Variants in NCOA7 observed in about 807,000 individuals in gnomAD.
NCOA7 encodes the protein 140 kDa estrogen receptor-associated protein.
Under a neutral mutation model 104.3 loss-of-function variants are expected in NCOA7, and 45 were observed. That is an observed-to-expected ratio of 0.43 (90% CI 0.34 to 0.55). The LOEUF is 0.55. NCOA7 is among the 20% of genes least tolerant of loss of function. The probability of loss-of-function intolerance (pLI) is 0.02; values close to 1 mark genes in which losing one functional copy is unlikely to be tolerated. For missense variants in NCOA7, 1,041 were observed against 1,119.7 expected (o/e 0.93, Z 1.00); for synonymous variants, 398 against 402.3 (o/e 0.99, Z 0.13).
At chr6:125,821,264 TA>T (rs948023272) in intron 2 of NCOA7, among the ~76,000 whole-genome samples, 1 of 152,148 alleles carries the variant, frequency 6.6e-6, no homozygotes. Context: ...ACATCTGATT[TA>T]AAAAAAGTTC....
chr6:125,911,786 G>T (rs138765301), intron 10 of NCOA7, among the ~76,000 whole-genome samples: 1 of 152,278 alleles, frequency 6.6e-6, no homozygotes, highest in Non-Finnish European at 1.5e-5. Context: ...GTGGCTCATG[G>T]CTCGTACTGG....
intron 3 of NCOA7, among the ~76,000 whole-genome samples, chr6:125,859,189 G>C (rs188360830): frequency 2.0e-5 from 3 of 151,986 alleles, no homozygotes; most frequent in African/African-American, 7.3e-5. Flanking sequence ...GGGGCACACC[G>C]AAGGGGCACA....
chr6:125,841,791 A>C (rs1780200258), intron 2 of NCOA7, among the ~76,000 whole-genome samples: 1 of 152,126 alleles, frequency 6.6e-6, no homozygotes, highest in African/African-American at 2.4e-5. Context: ...AGCATGTAGC[A>C]ATTGGAAAAA....
intron 2 of NCOA7, among the ~76,000 whole-genome samples, chr6:125,847,276 A>G (rs985942594): frequency 1.3e-5 from 2 of 152,142 alleles, no homozygotes; most frequent in Non-Finnish European, 2.9e-5. Flanking sequence ...ATTGTCTAGT[A>G]CTTTCTGTGA....
Position 125,889,244 on chromosome 6 carries a change from C to A in NCOA7, c.1190C>A (p.Thr397Asn), listed in dbSNP as rs201370198. The change falls in exon 9 of 16, where the codon ACT becomes AAT. Residue 397 changes from threonine (T) to asparagine (N), a missense_variant. Physicochemically the swap from Thr to Asn is moderately conservative, Grantham distance 65 (BLOSUM62 0). This residue lies in a region of NCOA7 where 914 missense variants were observed against 942.7 expected (regional missense o/e 0.97). Coordinates refer to ENST00000392477, the MANE Select transcript of NCOA7 (RefSeq NM_181782.5). ...AAGCTCAGCAAGGAACCTTCCGACA[C>A]TTCTTCTGCATTTGAATCTACAGCC... The part of the protein sequence containing the change: ...VTKLSKEPSD[T>N]SSAFESTAKE... 6.2e-7 allele frequency: 1 copy of A among 1,613,466 alleles called. No individual in the cohort carries two copies.
intron 1 of NCOA7, among the ~76,000 whole-genome samples, chr6:125,813,860 A>G (rs963853628): frequency 6.6e-6 from 1 of 152,106 alleles, no homozygotes; most frequent in African/African-American, 2.4e-5. Flanking sequence ...AATTATATAT[A>G]TGTTTTTTTA....
intron 3 of NCOA7, among the ~76,000 whole-genome samples, chr6:125,861,774 C>A (rs779663868): frequency 2.0e-5 from 3 of 151,818 alleles, no homozygotes; most frequent in Non-Finnish European, 4.4e-5. Context: ...TGGTGGCTCA[C>A]GCCTATAATC....
chr6:125,866,277 C>T (rs1056523229), intron 3 of NCOA7, among the ~76,000 whole-genome samples: 4 of 151,686 alleles, frequency 2.6e-5, no homozygotes, highest in East Asian at 1.9e-4. Context: ...TTTGATGAGC[C>T]GAGATCACGC....
chr6:125,816,768 A>G (rs1777630302), intron 2 of NCOA7, among the ~76,000 whole-genome samples: 1 of 152,364 alleles, frequency 6.6e-6, no homozygotes, highest in Admixed American at 6.5e-5. Flanking sequence ...ATATTGATAC[A>G]ATCCACCAGC....
chr6:125,827,176 GAAACTCCATCTCAAAAAAAAAAAAAA>G (rs1403847241), intron 2 of NCOA7, among the ~76,000 whole-genome samples: 2 of 99,258 alleles, frequency 2.0e-5, no homozygotes, highest in African/African-American at 4.4e-5. Flanking sequence ...CAACAAGAGT[GAAACTCCATCTCAAAAAAAAAAAAAA>G]AAAAAAAAAA....
At chr6:125,888,031 A>G (rs1284392015) in intron 8 of NCOA7, among the ~76,000 whole-genome samples, 1 of 151,942 alleles carries the variant, frequency 6.6e-6, no homozygotes, top group African/African-American at 2.4e-5. Flanking sequence ...ATTTTTTTTA[A>G]ATGTATTTCT....
At chr6:125,886,714 AG>A (rs1379971724) in intron 8 of NCOA7, among the ~76,000 whole-genome samples, 9 of 152,256 alleles carry the variant, frequency 5.9e-5, no homozygotes, top group Non-Finnish European at 1.2e-4. Context: ...TATTGTCTTC[AG>A]AACTTCATAA....
At chr6:125,861,724 G>C (rs1238200266) in intron 3 of NCOA7, among the ~76,000 whole-genome samples, 10 of 152,104 alleles carry the variant, frequency 6.6e-5, no homozygotes, top group Admixed American at 6.6e-4. Flanking sequence ...AAAGCATGCA[G>C]TGTGGCTGAA....
At chr6:125,826,964 C>T (rs999697220) in intron 2 of NCOA7, among the ~76,000 whole-genome samples, 6 of 152,088 alleles carry the variant, frequency 3.9e-5, no homozygotes, top group African/African-American at 1.2e-4. Context: ...TTGGGAGTCT[C>T]AGGCGGGCGG....
intron 12 of NCOA7, among the ~76,000 whole-genome samples, chr6:125,922,431 T>C (rs1258320416): frequency 6.6e-6 from 1 of 152,186 alleles, no homozygotes; most frequent in South Asian, 2.1e-4. Flanking sequence ...TTCAAATATA[T>C]AGCAGGATAG....
intron 7 of NCOA7, 61 bp from the exon 8 acceptor site, chr6:125,885,098 G>T: frequency 1.3e-6 from 2 of 1,565,922 alleles, no homozygotes; most frequent in Non-Finnish European, 1.8e-6. Flanking sequence ...TTAAAGCTCT[G>T]TGGTAGTTGC....
At chr6:125,901,393 G>A (rs1034871284) in intron 10 of NCOA7, among the ~76,000 whole-genome samples, 6 of 152,206 alleles carry the variant, frequency 3.9e-5, no homozygotes, top group African/African-American at 1.4e-4. Flanking sequence ...GAGTACGTTT[G>A]TTGGTTTACA....
At chr6:125,871,874 G>A (rs754708023) in intron 3 of NCOA7, among the ~76,000 whole-genome samples, 12 of 152,002 alleles carry the variant, frequency 7.9e-5, no homozygotes, top group Non-Finnish European at 1.3e-4. Context: ...GCATGAGCCC[G>A]TAGTCCCAGC....
chr6:125,901,366 C>T (rs535356023), intron 10 of NCOA7, among the ~76,000 whole-genome samples: 1 of 152,150 alleles, frequency 6.6e-6, no homozygotes, highest in Admixed American at 6.5e-5. Context: ...AATTCCTTAA[C>T]TGTTCTGGGT....
Sources: allele counts gnomAD v4.1 joint callset (sites outside exome capture counted in the v4.1 genomes callset), GRCh38; gene constraint gnomAD v4.1.1; regional missense constraint gnomAD v4.1.1; transcripts MANE v1.5; gene names NCBI Gene and HGNC (gene_info 2026-07-23, HGNC 2026-07-21).